Variants in ELMO1 observed in about 807,000 individuals in gnomAD.
ELMO1 encodes engulfment and cell motility protein 1.
A neutral mutation model predicts 98.9 loss-of-function variants in ELMO1; 26 were observed. That is an observed-to-expected ratio of 0.26 (90% CI 0.19 to 0.36). The LOEUF (loss-of-function observed/expected upper bound fraction) is 0.36, where lower values mean the gene tolerates loss of function less well. Among genes scored for constraint, ELMO1 ranks in the 10% least tolerant of loss-of-function variants. The pLI, the probability that ELMO1 is intolerant of heterozygous loss-of-function variation, is 1.00. For synonymous variants in ELMO1, 346 were observed against 346.0 expected (o/e 1.00, Z 0.00); for missense variants, 627 against 935.2 (o/e 0.67, Z 4.30).
intron 14 of ELMO1, among the ~76,000 whole-genome samples, chr7:37,124,186 TG>T (rs199792772): frequency 0.029 from 4,463 of 152,266 alleles, 172 homozygotes; most frequent in African/African-American, 0.09. Context: ...TCATACTGAA[TG>T]GGCAAAAACT....
chr7:37,219,375 G>A (rs924643909), intron 10 of ELMO1, among the ~76,000 whole-genome samples: 1 of 152,138 alleles, frequency 6.6e-6, no homozygotes, highest in Admixed American at 6.5e-5. Context: ...ATGGAGTCCT[G>A]TGAATGTGTC....
intron 15 of ELMO1, among the ~76,000 whole-genome samples, chr7:37,049,326 T>G (rs925557798): frequency 3.9e-5 from 6 of 152,164 alleles, no homozygotes; most frequent in Admixed American, 6.5e-5. Context: ...GATTCTTCTC[T>G]GACCATACCA....
At position 36,946,225 on chromosome 7, in the gene ELMO1, CG is replaced by C. The variant is rs770031771; in HGVS notation, c.1438-51209del. Reference sequence around the variant, plus strand: ...TTGTGCAAAGCCAATATTTACCTGTCGGGGCTGTCAAAATTTACATTTCATC... The same window carrying C: ...TTGTGCAAAGCCAATATTTACCTGTCGGGCTGTCAAAATTTACATTTCATC... On this transcript the variant is annotated intron_variant, in intron 16 of 21. Coordinates refer to ENST00000310758, the MANE Select transcript of ELMO1 (RefSeq NM_014800.11). Among the ~76,000 whole-genome samples the C allele has an allele frequency of 1.2e-4, 18 of 152,356 alleles. No individual in the cohort carries two copies. In the Middle Eastern group the frequency reaches 0.01, roughly 86 times the overall value.
At chr7:37,336,979 G>A (rs1187619230) in intron 2 of ELMO1, among the ~76,000 whole-genome samples, 1 of 152,136 alleles carries the variant, frequency 6.6e-6, no homozygotes, top group African/African-American at 2.4e-5. Flanking sequence ...AGAGAACATG[G>A]CTGGGACAAA....
intron 16 of ELMO1, among the ~76,000 whole-genome samples, chr7:37,005,692 CAAAAA>C (rs71553094): frequency 4.0e-4 from 15 of 37,512 alleles, no homozygotes; most frequent in Non-Finnish European, 3.2e-4. Context: ...GACTCTGTCT[CAAAAA>C]AAAAAAAAAA....
intron 16 of ELMO1, among the ~76,000 whole-genome samples, chr7:36,969,235 T>C (rs1242350893): frequency 1.3e-5 from 2 of 152,098 alleles, no homozygotes; most frequent in African/African-American, 4.8e-5. Context: ...ATCACAGCTA[T>C]ATTTAAAGGT....
At chr7:37,306,260 G>A (rs1248180166) in intron 4 of ELMO1, among the ~76,000 whole-genome samples, 1 of 152,186 alleles carries the variant, frequency 6.6e-6, no homozygotes, top group Admixed American at 6.5e-5. Flanking sequence ...TTCCAGGTTA[G>A]TAAAGCTACA....
intron 16 of ELMO1, among the ~76,000 whole-genome samples, chr7:36,942,057 G>A (rs547501333): frequency 8.1e-4 from 124 of 152,270 alleles, no homozygotes; most frequent in African/African-American, 2.8e-3. Context: ...TAGAGGTAGA[G>A]GTTAACATTA....
chr7:37,037,395 T>C (rs1795245049), intron 15 of ELMO1, among the ~76,000 whole-genome samples: 1 of 152,174 alleles, frequency 6.6e-6, no homozygotes, highest in Admixed American at 6.5e-5. Context: ...TCGGCCATTC[T>C]TTTACTGGGT....
chr7:37,134,495 G>A (rs1445423600), intron 13 of ELMO1, among the ~76,000 whole-genome samples: 1 of 149,576 alleles, frequency 6.7e-6, no homozygotes, highest in African/African-American at 2.5e-5. Context: ...GGAGGCGGAG[G>A]TTGCAGTGAG....
chr7:37,394,755 T>C (rs1026077513), intron 1 of ELMO1, among the ~76,000 whole-genome samples: 1 of 152,110 alleles, frequency 6.6e-6, no homozygotes, highest in Non-Finnish European at 1.5e-5. Context: ...GGGGGGCTTC[T>C]GGGTTAAGTG....
chr7:37,028,036 CT>C (rs34796028), intron 15 of ELMO1, among the ~76,000 whole-genome samples: 20,217 of 146,222 alleles, frequency 0.14, 1,688 homozygotes, highest in African/African-American at 0.23. Flanking sequence ...CGAGAACTGT[CT>C]TTTTTTTTTT....
intron 18 of ELMO1, among the ~76,000 whole-genome samples, chr7:36,885,181 G>A (rs1251353931): frequency 6.6e-6 from 1 of 152,128 alleles, no homozygotes; most frequent in Non-Finnish European, 1.5e-5. Context: ...GGATGATTTT[G>A]TATTAAACAC....
intron 16 of ELMO1, among the ~76,000 whole-genome samples, chr7:36,901,881 G>T (rs1313362613): frequency 1.3e-5 from 2 of 152,180 alleles, no homozygotes; most frequent in Non-Finnish European, 2.9e-5. Flanking sequence ...AATACATGCA[G>T]GGTGGTTCAA....
rs1198368379 is a variant in ELMO1 at position 36,878,010 on chromosome 7, G to A, written c.1822C>T (p.Leu608=). The A allele has an allele frequency of 1.1e-5, 18 of 1,612,662 alleles. No individual in the cohort carries two copies. Among genetic ancestry groups the A allele is most frequent in the South Asian group, 7.7e-5 (7 of 90,904 alleles). Residue 608 remains leucine, a splice_region_variant and synonymous_variant, in exon 19 of 22, where the codon CTG becomes TTG. Transcript: ENST00000310758. ...EVPHDSLQDK[L]PVADIKAVVT... is the part of the protein sequence containing the mutation. Reference sequence around the variant, plus strand: ...GCCTCTGCCAAGGAGAGCTACTTACGTTTGTCCTGCAAGGAATCGTGGGGC... The same window carrying A: ...GCCTCTGCCAAGGAGAGCTACTTACATTTGTCCTGCAAGGAATCGTGGGGC...
chr7:36,933,536 G>T (rs2893536), intron 16 of ELMO1, among the ~76,000 whole-genome samples: 3,538 of 152,272 alleles, frequency 0.023, 89 homozygotes, highest in East Asian at 0.08. Flanking sequence ...CTCTGCACTT[G>T]GATGCCCTAG....
chr7:37,341,985 TA>T (rs1293676327), intron 2 of ELMO1, among the ~76,000 whole-genome samples: 2 of 152,214 alleles, frequency 1.3e-5, no homozygotes, highest in African/African-American at 4.8e-5. Flanking sequence ...AGATTCAAGT[TA>T]AAGGATGCCT....
At chr7:36,931,438 A>G (rs1001790304) in intron 16 of ELMO1, among the ~76,000 whole-genome samples, 2 of 152,200 alleles carry the variant, frequency 1.3e-5, no homozygotes, top group African/African-American at 4.8e-5. Flanking sequence ...TGTCTCTACT[A>G]AAAGTACAAA....
chr7:37,191,493 G>A (rs549436662), intron 13 of ELMO1, among the ~76,000 whole-genome samples: 14 of 152,068 alleles, frequency 9.2e-5, no homozygotes, highest in Non-Finnish European at 1.8e-4. Context: ...CTAACAATCT[G>A]TTCTAAGGAA....
Sources: allele counts gnomAD v4.1 joint callset (sites outside exome capture counted in the v4.1 genomes callset), GRCh38; gene constraint gnomAD v4.1.1; transcripts MANE v1.5; gene names NCBI Gene and HGNC (gene_info 2026-07-23, HGNC 2026-07-21).